Variants in PRRC2B observed in about 807,000 individuals in gnomAD.
PRRC2B encodes proline rich coiled-coil 2B, also known as protein PRRC2B.
A neutral mutation model predicts 242.3 loss-of-function variants in PRRC2B; 68 were observed. The observed-to-expected ratio is 0.28, with a 90% CI of 0.23 to 0.34. The LOEUF (loss-of-function observed/expected upper bound fraction) is 0.34. Ranked by LOEUF, PRRC2B falls within the 10% of genes least tolerant of loss-of-function variation. The probability of loss-of-function intolerance (pLI) is 1.00; values close to 1 mark genes in which losing one functional copy is unlikely to be tolerated. For synonymous variants in PRRC2B, 1,228 were observed against 1,173.6 expected, an observed-to-expected ratio of 1.05 and a Z score of -0.95; for missense variants, 2,835 against 2,954.8, an observed-to-expected ratio of 0.96 and a Z score of 0.94.
At chr9:131,415,564 A>G (rs562729190) in intron 1 of PRRC2B, among the ~76,000 whole-genome samples, 1 of 152,044 alleles carries the variant, frequency 6.6e-6, no homozygotes, top group Admixed American at 6.5e-5. Context: ...TAAAAATCCT[A>G]TTTTGAGTCC....
chr9:131,430,533 A>G (rs1455058257), intron 2 of PRRC2B, among the ~76,000 whole-genome samples: 2,318 of 143,804 alleles, frequency 0.016, 26 homozygotes, highest in Middle Eastern at 0.033. Flanking sequence ...ATAGATATCT[A>G]TCTATAGATA....
Position 131,476,295 on chromosome 9 carries a change from G to T in PRRC2B, c.4166G>T (p.Arg1389Leu). 1 of 1,587,218 alleles carries T rather than the reference G, an allele frequency of 6.3e-7. No homozygotes were observed. The highest frequency in any genetic ancestry group is 8.6e-7 in the Non-Finnish European group (1 of 1,167,300). The change falls in exon 16 of 32, where the codon CGG (arginine) becomes CTG (leucine). Residue 1389 changes from arginine to leucine, a missense_variant. By Grantham distance (102) the Arg-to-Leu change is moderately radical. Transcript: ENST00000683519. Reference sequence around the variant, plus strand: ...AGCGACTTCAGCGAGCGGCGGGAGCGGCGGGAAGGCCCTGGGTCCGAGCCC... The same window carrying T: ...AGCGACTTCAGCGAGCGGCGGGAGCTGCGGGAAGGCCCTGGGTCCGAGCCC... ...ESSDFSERRE[R>L]REGPGSEPDS...
intron 1 of PRRC2B, among the ~76,000 whole-genome samples, chr9:131,412,267 AC>A (rs1837527139): frequency 6.6e-6 from 1 of 151,950 alleles, no homozygotes; most frequent in Non-Finnish European, 1.5e-5. Flanking sequence ...GCCCTTTAAA[AC>A]TACCCTGCTC....
chr9:131,480,821 G>T (rs926683439), intron 19 of PRRC2B, among the ~76,000 whole-genome samples: 1 of 152,002 alleles, frequency 6.6e-6, no homozygotes, highest in Non-Finnish European at 1.5e-5. Context: ...AAAGTGGTCT[G>T]TGAGCTTAAA....
At chr9:131,410,063 T>C in intron 1 of PRRC2B, among the ~76,000 whole-genome samples, 1 of 152,220 alleles carries the variant, frequency 6.6e-6, no homozygotes, top group Non-Finnish European at 1.5e-5. Flanking sequence ...GGCCTTTGTA[T>C]AGCACATCTG....
intron 31 of PRRC2B, among the ~76,000 whole-genome samples, 190 bp from the exon 32 acceptor site, chr9:131,495,550 C>G (rs962324175): frequency 6.6e-6 from 1 of 152,124 alleles, no homozygotes; most frequent in Non-Finnish European, 1.5e-5. Context: ...GGGGAGGGAG[C>G]AGAGACGGCA....
chr9:131,465,365 G>C (rs1564292536), intron 12 of PRRC2B, among the ~76,000 whole-genome samples: 1 of 152,184 alleles, frequency 6.6e-6, no homozygotes, highest in Non-Finnish European at 1.5e-5. Flanking sequence ...ACTGAGCATA[G>C]TACCCAACAG....
At chr9:131,491,812 C>G (rs1256713150) in intron 29 of PRRC2B, among the ~76,000 whole-genome samples, 1 of 152,168 alleles carries the variant, frequency 6.6e-6, no homozygotes, top group Non-Finnish European at 1.5e-5. Flanking sequence ...CCCAGGAGGC[C>G]CTGCTATGGA....
intron 1 of PRRC2B, among the ~76,000 whole-genome samples, chr9:131,375,886 T>C (rs1212187632): frequency 1.3e-5 from 2 of 151,764 alleles, no homozygotes; most frequent in Non-Finnish European, 2.9e-5. Flanking sequence ...CTGTCTCTAC[T>C]AAAAATACAG....
In PRRC2B at chr9:131,482,934, T is replaced by A. The variant is rs1360979615; in HGVS notation, c.5373+27T>A. ...TGAGGCTTTGATTTGTTTTCTTGCT[T>A]GCTTTTTTTACTTTTTATTTTGGTA... On this transcript the variant is annotated intron_variant, in intron 22 of 31. Coordinates refer to ENST00000683519, the MANE Select transcript of PRRC2B (RefSeq NM_013318.4). This position sits in a 1 kb window ranked among gnomAD's most constrained non-coding sequence, Gnocchi z 5.2. 2 of 1,581,180 alleles carry A rather than the reference T, an allele frequency of 1.3e-6. No individual in the cohort carries two copies. Among genetic ancestry groups the A allele is most frequent in the African/African-American group, 2.7e-5 (2 of 74,162 alleles).
intron 13 of PRRC2B, 63 bp downstream of exon 13, chr9:131,467,816 C>A (rs1020771180): frequency 6.5e-7 from 1 of 1,528,004 alleles, no homozygotes; most frequent in Admixed American, 1.8e-5. Flanking sequence ...AGATGTTTCC[C>A]CTCCTCGTCC....
intron 9 of PRRC2B, among the ~76,000 whole-genome samples, chr9:131,450,593 G>GTT (rs533722787): frequency 0.013 from 1,868 of 139,924 alleles, 21 homozygotes; most frequent in Middle Eastern, 0.029. Context: ...ACTTGGTGGT[G>GTT]TTTTTTTTTT....
intron 1 of PRRC2B, among the ~76,000 whole-genome samples, chr9:131,426,763 G>T (rs998719155): frequency 3.9e-5 from 6 of 152,184 alleles, no homozygotes; most frequent in African/African-American, 1.4e-4. Flanking sequence ...ACTTTTGCTG[G>T]TATGTTTCTT....
intron 25 of PRRC2B, chr9:131,485,528 G>T (rs774873045): frequency 1.4e-4 from 68 of 488,606 alleles, no homozygotes; most frequent in Middle Eastern, 7.0e-4. Flanking sequence ...CGTGAGGCCA[G>T]GTCTTACCTG....
chr9:131,397,339 T>C (rs1837090746), intron 1 of PRRC2B, among the ~76,000 whole-genome samples: 2 of 151,996 alleles, frequency 1.3e-5, no homozygotes, highest in South Asian at 4.1e-4. Context: ...TGGGCCCAAA[T>C]AGGTAAAAAG....
chr9:131,438,019 G>T (rs895560432), intron 4 of PRRC2B, among the ~76,000 whole-genome samples: 2 of 152,150 alleles, frequency 1.3e-5, no homozygotes, highest in Non-Finnish European at 2.9e-5. Flanking sequence ...TGGCACAGGG[G>T]TCACCTTATC....
chr9:131,394,348 C>T (rs1836979460), intron 1 of PRRC2B, 85 bp downstream of exon 1: 1 of 146,248 alleles, frequency 6.8e-6, no homozygotes, highest in Admixed American at 6.8e-5. Flanking sequence ...GCTTTGTCTC[C>T]CGCGGCCGCC....
Position 131,430,011 on chromosome 9 carries a change from C to G in PRRC2B, c.-51-83C>G, listed in dbSNP as rs923116069. Reference sequence around the variant, plus strand: ...CATGATTCGTGAAGGATTCACTCCTCTGGATCAGAGGTTCTGCTGTAGTGA... The same window carrying G: ...CATGATTCGTGAAGGATTCACTCCTGTGGATCAGAGGTTCTGCTGTAGTGA... On this transcript the variant is annotated intron_variant, in intron 1 of 31. Coordinates refer to ENST00000683519, the MANE Select transcript of PRRC2B (RefSeq NM_013318.4). 6.4e-6 allele frequency: 4 copies of G among 623,208 alleles called. No homozygotes were observed. In the Admixed American group the frequency reaches 1.1e-4, roughly 18 times the overall value. 38.6% of individuals were successfully genotyped at this position (623,208 alleles called of 1,614,324 possible). A position where few individuals can be genotyped will look rare whatever the true frequency, so the allele number is the denominator to read the frequency against.
chr9:131,474,002 G>A (rs1220515717), intron 15 of PRRC2B, among the ~76,000 whole-genome samples: 1 of 152,210 alleles, frequency 6.6e-6, no homozygotes, highest in Non-Finnish European at 1.5e-5. Context: ...GGCTTCACAA[G>A]GCAGGTGGGG....
Sources: allele counts gnomAD v4.1 joint callset (sites outside exome capture counted in the v4.1 genomes callset), GRCh38; gene constraint gnomAD v4.1.1; non-coding constraint Gnocchi (gnomAD v3.1); transcripts MANE v1.5; gene names NCBI Gene and HGNC (gene_info 2026-07-23, HGNC 2026-07-21).